Variants in VIPAS39 observed in about 807,000 individuals in gnomAD.
VIPAS39 encodes VPS33B interacting protein, apical-basolateral polarity regulator, spe-39 homolog, also known as spermatogenesis-defective protein 39 homolog.
Under a neutral mutation model 84.7 loss-of-function variants are expected in VIPAS39, and 63 were observed. The ratio of observed to expected loss-of-function variants is 0.74; its 90% confidence interval spans 0.61 to 0.92. The LOEUF is 0.92. Ranked by LOEUF, VIPAS39 falls within the 40% of genes least tolerant of loss-of-function variation. The pLI is 0.00. For synonymous variants in VIPAS39, 192 were observed against 216.5 expected, an observed-to-expected ratio of 0.89 and a Z score of 0.99; for missense variants, 499 against 604.5, an observed-to-expected ratio of 0.83 and a Z score of 1.83.
chr14:77,442,499 C>T, intron 10 of VIPAS39, 61 bp downstream of exon 10: 3 of 1,385,088 alleles, frequency 2.2e-6, no homozygotes, highest in Non-Finnish European at 3.1e-6. Context: ...CCTTTGTATC[C>T]CTCAGAGTGC....
intron 11 of VIPAS39, among the ~76,000 whole-genome samples, chr14:77,438,495 C>T (rs2078651030): frequency 6.6e-6 from 1 of 152,232 alleles, no homozygotes; most frequent in Non-Finnish European, 1.5e-5. Flanking sequence ...TCCCAGTGTG[C>T]TGGGATTACA....
In VIPAS39 at chr14:77,457,457, G is replaced by C. The variant is rs145506107; in HGVS notation, c.-1+38C>G. The C allele has an allele frequency of 6.9e-3, 10,315 of 1,490,050 alleles. 53 individuals are homozygous for C. Among genetic ancestry groups the C allele is most frequent in the Middle Eastern group, 0.019 (113 of 5,918 alleles). The allele number at this position is 1,490,050 out of a possible 1,614,324, so 92.3% of individuals were successfully genotyped here. A position where few individuals can be genotyped will look rare whatever the true frequency, so the allele number is the denominator to read the frequency against. ...TCAAGATGCGGAGAGGCTGGATCCA[G>C]CCAGATACGCGACCCAAGGGGCTTG... On this transcript the variant is annotated intron_variant, in intron 1 of 19. Coordinates refer to ENST00000557658, the MANE Select transcript of VIPAS39 (RefSeq NM_001193315.2).
Position 77,429,040 on chromosome 14 carries a change from G to C in VIPAS39, c.1322C>G (p.Ala441Gly), listed in dbSNP as rs2078477977. ...GACATCATGGCACTTGAACTTAGTG[G>C]CTAAGTTCAACTTCGTGTCCACATC... ...VEDVDTKLNL[A>G]TKFKCHDVVI... The change falls in exon 18 of 20, where the codon GCC becomes GGC. Residue 441 changes from alanine (A) to glycine (G), a missense_variant. Physicochemically the swap from Ala to Gly is moderately conservative, Grantham distance 60. Coordinates refer to ENST00000557658, the MANE Select transcript of VIPAS39 (RefSeq NM_001193315.2). 1 of 1,613,826 alleles carries C rather than the reference G, an allele frequency of 6.2e-7. No homozygotes were observed. The highest frequency in any genetic ancestry group is 1.3e-5 in the African/African-American group (1 of 74,906).
intron 12 of VIPAS39, among the ~76,000 whole-genome samples, chr14:77,437,249 T>A (rs2078627202): frequency 6.6e-6 from 1 of 152,170 alleles, no homozygotes. Context: ...GGAAGCACTT[T>A]CCAATAACGA....
At chr14:77,429,537 T>C in intron 17 of VIPAS39, 144 bp downstream of exon 17, 1 of 865,516 alleles carries the variant, frequency 1.2e-6, no homozygotes. Context: ...CCCTGGCCTT[T>C]TCTGTCTTGA....
intron 5 of VIPAS39, 52 bp downstream of exon 5, chr14:77,449,662 T>C: frequency 1.2e-6 from 2 of 1,608,882 alleles, no homozygotes; most frequent in Non-Finnish European, 1.7e-6. Flanking sequence ...CCCCAGACTG[T>C]ACCAGATCAG....
At position 77,444,289 on chromosome 14, in the gene VIPAS39, T is replaced by G. The variant is rs748821524; in HGVS notation, c.557A>C (p.Glu186Ala). ...TCCATCATGCATGCTTACTGCCTCTTCTAGGAGTTGTAGTTTGTCCTGTAA... is the reference window on the plus strand; with the variant it reads ...TCCATCATGCATGCTTACTGCCTCTGCTAGGAGTTGTAGTTTGTCCTGTAA... ...RSLQDKLQLL[E>A]EAVSMHDGNV... Residue 186 changes from glutamate to alanine, a missense_variant, in exon 8 of 20, where the codon GAA (glutamate) becomes GCA (alanine). Coordinates refer to ENST00000557658, the MANE Select transcript of VIPAS39 (RefSeq NM_001193315.2). 22 of 1,613,926 alleles carry G rather than the reference T, an allele frequency of 1.4e-5. No homozygotes were observed. In the South Asian group the frequency reaches 2.2e-4, roughly 16 times the overall value.
intron 15 of VIPAS39, 25 bp downstream of exon 15, chr14:77,434,237 A>G: frequency 1.2e-6 from 2 of 1,611,870 alleles, no homozygotes; most frequent in Non-Finnish European, 8.5e-7. Context: ...CACTAGTTTC[A>G]TAACACTGAC....
At chr14:77,447,673 G>A (rs2078813632) in intron 7 of VIPAS39, among the ~76,000 whole-genome samples, 1 of 151,726 alleles carries the variant, frequency 6.6e-6, no homozygotes, top group Non-Finnish European at 1.5e-5. Context: ...CTTTTTTTGG[G>A]CAGGGGGGCG....
At chr14:77,435,133 G>T (rs2078586956) in intron 14 of VIPAS39, 126 bp downstream of exon 14, 7 of 1,478,652 alleles carry the variant, frequency 4.7e-6, no homozygotes, top group Non-Finnish European at 6.6e-6. Flanking sequence ...GGCCAGGAAA[G>T]CTTCCAGGTG....
intron 11 of VIPAS39, among the ~76,000 whole-genome samples, chr14:77,439,677 G>A (rs2078669164): frequency 6.6e-6 from 1 of 151,916 alleles, no homozygotes; most frequent in Admixed American, 6.6e-5. Flanking sequence ...TGTAGTCCCA[G>A]CTACTTGGGA....
intron 16 of VIPAS39, among the ~76,000 whole-genome samples, chr14:77,431,878 TA>T (rs1287014230): frequency 6.6e-6 from 1 of 152,118 alleles, no homozygotes; most frequent in Admixed American, 6.6e-5. Context: ...ATCTGTAACT[TA>T]CAAAAATAAT....
intron 1 of VIPAS39, among the ~76,000 whole-genome samples, chr14:77,456,874 A>T (rs557381027): frequency 2.6e-5 from 4 of 152,238 alleles, no homozygotes; most frequent in Non-Finnish European, 5.9e-5. Context: ...CTAGAGTTAT[A>T]AAGTAATCAG....
intron 7 of VIPAS39, among the ~76,000 whole-genome samples, chr14:77,446,311 C>CT (rs201991530): frequency 4.0e-5 from 6 of 150,378 alleles, no homozygotes; most frequent in Admixed American, 6.6e-5. Context: ...ATTTTATCTG[C>CT]TTTTTTTTTA....
chr14:77,439,576 T>G (rs1594904720), intron 11 of VIPAS39, among the ~76,000 whole-genome samples: 1 of 152,240 alleles, frequency 6.6e-6, no homozygotes, highest in Non-Finnish European at 1.5e-5. Flanking sequence ...AGCTTGAGGC[T>G]AGGAGTTCAA....
At position 77,451,403 on chromosome 14, in the gene VIPAS39, A is replaced by G. The variant is rs111406183; in HGVS notation, c.197-70T>C. Reference sequence around the variant, plus strand: ...AAGCCTTGACATCCAACATTCAATAAACTCTAAAAGCTTTTCACCAGAAGC... The same window carrying G: ...AAGCCTTGACATCCAACATTCAATAGACTCTAAAAGCTTTTCACCAGAAGC... On this transcript the variant is annotated intron_variant, in intron 3 of 19. Transcript: ENST00000557658. The G allele has an allele frequency of 1.2e-5, 20 of 1,612,166 alleles. No homozygotes were observed. The East Asian group carries it at 4.0e-4, about 32-fold the overall frequency.
At chr14:77,429,175 G>A (rs932190797) in intron 17 of VIPAS39, 80 bp from the exon 18 acceptor site, 6 of 1,322,004 alleles carry the variant, frequency 4.5e-6, no homozygotes, top group Middle Eastern at 3.7e-4. Context: ...AGAAAGTCCT[G>A]AAGAAGGCAA....
In VIPAS39 at chr14:77,442,245, A is replaced by G. The variant is rs11625365; in HGVS notation, c.734+315T>C. Among the ~76,000 whole-genome samples the G allele has an allele frequency of 0.43, 64,934 of 152,140 alleles. 16,661 individuals carry two copies. Among genetic ancestry groups the G allele is most frequent in the East Asian group, 0.93 (4,794 of 5,180 alleles). On this transcript the variant is annotated intron_variant, in intron 10 of 19. Transcript: ENST00000557658. ...CATAATAACCCTGTGGGTAGGTGTC[A>G]TCATCTCCATTTGATCGATGTGAAA...
At chr14:77,441,151 C>G in intron 10 of VIPAS39, 58 bp from the exon 11 acceptor site, 1 of 1,605,710 alleles carries the variant, frequency 6.2e-7, no homozygotes, top group Non-Finnish European at 8.5e-7. Context: ...GGCAGTATAA[C>G]CTCACAAAAT....
Sources: gnomAD v4.1 joint callset for allele counts (sites outside exome capture counted in the v4.1 genomes callset) on GRCh38, gnomAD v4.1.1 for gene constraint, MANE v1.5 for transcripts, NCBI Gene and HGNC (gene_info 2026-07-23, HGNC 2026-07-21) for gene names.